TET1: variants seen among roughly 807,000 people sequenced by gnomAD.
TET1 encodes the protein methylcytosine dioxygenase TET1.
A neutral mutation model predicts 148.7 loss-of-function variants in TET1; 13 were observed. That is an observed-to-expected ratio of 0.09 (90% CI 0.06 to 0.14). The LOEUF (loss-of-function observed/expected upper bound fraction) is 0.14, where lower values mean the gene tolerates loss of function less well. TET1 is among the 10% of genes least tolerant of loss of function. The probability of loss-of-function intolerance (pLI) is 1.00; values close to 1 mark genes in which losing one functional copy is unlikely to be tolerated. For synonymous variants in TET1, 907 were observed against 937.2 expected, an observed-to-expected ratio of 0.97 and a Z score of 0.59; for missense variants, 2,182 against 2,553.8, an observed-to-expected ratio of 0.85 and a Z score of 3.14.
intron 2 of TET1, among the ~76,000 whole-genome samples, chr10:68,600,177 A>T (rs1388611607): frequency 6.6e-6 from 1 of 152,078 alleles, no homozygotes; most frequent in Non-Finnish European, 1.5e-5. Context: ...AAAATGCACA[A>T]TACCTTCCAG....
intron 10 of TET1, among the ~76,000 whole-genome samples, chr10:68,685,048 A>G (rs1360412914): frequency 6.6e-6 from 1 of 151,824 alleles, no homozygotes; most frequent in Non-Finnish European, 1.5e-5. Context: ...TGAACCCAGG[A>G]TCTTGAGTGT....
At chr10:68,622,559 C>T (rs2054392868) in intron 3 of TET1, among the ~76,000 whole-genome samples, 1 of 152,030 alleles carries the variant, frequency 6.6e-6, no homozygotes, top group South Asian at 2.1e-4. Context: ...AGCCACCACA[C>T]CCGGCCCCTC....
rs66890965 is a variant in TET1 at position 68,654,106 on chromosome 10, C to CAAAA, written c.4461+1528_4461+1531dup. Among the ~76,000 whole-genome samples, 98 of 84,880 alleles carry CAAAA rather than the reference C, an allele frequency of 1.2e-3. 2 individuals are homozygous for CAAAA. Among genetic ancestry groups the CAAAA allele is most frequent in the Admixed American group, 1.5e-3 (9 of 5,944 alleles). 55.7% of individuals were successfully genotyped at this position (84,880 alleles called of 152,430 possible). A position where few individuals can be genotyped will look rare whatever the true frequency, so the allele number is the denominator to read the frequency against. Reference sequence around the variant, plus strand: ...TGGGCAACAAGAGCAAAAATGTCTCCAAAAAAAAAAAAAAAAAAAGCATGG... The same window carrying CAAAA: ...TGGGCAACAAGAGCAAAAATGTCTCCAAAAAAAAAAAAAAAAAAAAAAAGCATGG... On this transcript the variant is annotated intron_variant, in intron 6 of 11. Transcript: ENST00000373644.
At chr10:68,657,019 A>G (rs2055032247) in intron 6 of TET1, among the ~76,000 whole-genome samples, 1 of 131,768 alleles carries the variant, frequency 7.6e-6, no homozygotes, top group African/African-American at 3.3e-5. Flanking sequence ...TCCAGAGTCT[A>G]GCTCCAAAAA....
At chr10:68,599,569 T>C (rs2132868787) in intron 2 of TET1, among the ~76,000 whole-genome samples, 1 of 152,246 alleles carries the variant, frequency 6.6e-6, no homozygotes, top group South Asian at 2.1e-4. Flanking sequence ...CCACTGGGCG[T>C]GGGGGCAGTC....
chr10:68,608,017 C>T (rs1259563616), intron 3 of TET1, among the ~76,000 whole-genome samples: 1 of 151,490 alleles, frequency 6.6e-6, no homozygotes, highest in Non-Finnish European at 1.5e-5. Context: ...CAGCCTCCAT[C>T]TCCCGGGTTC....
rs780148134 is a variant in TET1, at chr10:68,645,671, A to G, written c.2942A>G (p.His981Arg). Residue 981 changes from histidine to arginine, a missense_variant, in exon 4 of 12, where the codon CAT becomes CGT. This residue lies in a region of TET1 where 582 missense variants were observed against 599.5 expected (regional missense o/e 0.97). Transcript: ENST00000373644. ...NGQTTTLSNS[H>R]INSATNQAST... is the part of the protein sequence containing the mutation. ...CAAACTACTACCCTTTCCAACTCAC[A>G]TATCAACTCAGCTACTAACCAAGCA... 32 of 1,614,110 alleles carry G rather than the reference A, an allele frequency of 2.0e-5. No individual in the cohort carries two copies. Among genetic ancestry groups the G allele is most frequent in the East Asian group, 1.8e-4 (8 of 44,904 alleles).
At chr10:68,642,433 CA>C (rs540154591) in intron 3 of TET1, among the ~76,000 whole-genome samples, 9 of 138,912 alleles carry the variant, frequency 6.5e-5, no homozygotes, top group Middle Eastern at 3.5e-3. Flanking sequence ...GACCTTGTCT[CA>C]AAAAAAAAAG....
chr10:68,653,580 A>G (rs1202751977), intron 6 of TET1, among the ~76,000 whole-genome samples: 100 of 152,310 alleles, frequency 6.6e-4, no homozygotes, highest in Non-Finnish European at 2.9e-5. Flanking sequence ...TTCCTATTCT[A>G]CATATTGCAT....
At chr10:68,616,683 A>T (rs898124700) in intron 3 of TET1, among the ~76,000 whole-genome samples, 1 of 151,906 alleles carries the variant, frequency 6.6e-6, no homozygotes, top group Non-Finnish European at 1.5e-5. Context: ...TTACAGGTGC[A>T]TGTAAGTATG....
At chr10:68,575,547 A>G (rs930130010) in intron 2 of TET1, among the ~76,000 whole-genome samples, 20 of 151,756 alleles carry the variant, frequency 1.3e-4, no homozygotes, top group African/African-American at 4.4e-4. Context: ...TACTAAAAAT[A>G]CAAAATTAGC....
intron 7 of TET1, among the ~76,000 whole-genome samples, chr10:68,669,044 G>T (rs2055232456): frequency 6.6e-6 from 1 of 151,980 alleles, no homozygotes; most frequent in Non-Finnish European, 1.5e-5. Flanking sequence ...ATCAAAGCAG[G>T]AGGATTTCTT....
At chr10:68,627,092 T>C (rs1447844693) in intron 3 of TET1, among the ~76,000 whole-genome samples, 1 of 152,032 alleles carries the variant, frequency 6.6e-6, no homozygotes, top group Non-Finnish European at 1.5e-5. Context: ...GCCAACATTG[T>C]GAAACCCCGT....
chr10:68,619,414 G>T (rs951522525), intron 3 of TET1, among the ~76,000 whole-genome samples: 2 of 151,994 alleles, frequency 1.3e-5, no homozygotes, highest in South Asian at 2.1e-4. Context: ...ATTTTTTGTA[G>T]AGACAGAGGG....
chr10:68,597,259 C>T (rs1360311195), intron 2 of TET1, among the ~76,000 whole-genome samples: 5 of 151,922 alleles, frequency 3.3e-5, no homozygotes, highest in Non-Finnish European at 7.4e-5. Context: ...GTCTTGAACT[C>T]CTGACCTGAA....
chr10:68,624,660 C>CTTTCTTTCTTTCTTTCTG (rs1462948714), intron 3 of TET1, among the ~76,000 whole-genome samples: 1 of 74,458 alleles, frequency 1.3e-5, no homozygotes. Flanking sequence ...TTCTTTCTTT[C>CTTTCTTTCTTTCTTTCTG]TCTCTCTCTC....
intron 8 of TET1, among the ~76,000 whole-genome samples, chr10:68,675,786 C>T (rs1006467627): frequency 2.0e-5 from 3 of 151,942 alleles, no homozygotes; most frequent in East Asian, 3.9e-4. Context: ...AATATTTGGC[C>T]CAAGATCAAT....
intron 3 of TET1, among the ~76,000 whole-genome samples, chr10:68,635,859 T>TA (rs1357196131): frequency 6.6e-6 from 1 of 152,036 alleles, no homozygotes; most frequent in East Asian, 1.9e-4. Flanking sequence ...GAAAATAAAG[T>TA]AGAGTCCTCT....
rs137882741 is a variant in TET1 at position 68,590,585 on chromosome 10, G to T, written c.1915-10396G>T. Among the ~76,000 whole-genome samples the T allele has an allele frequency of 4.1e-3, 622 of 152,092 alleles. 9 individuals carry two copies. Among genetic ancestry groups the T allele is most frequent in the African/African-American group, 0.014 (593 of 41,514 alleles). ...GTTTTGTATAAGATCCCAGCACTTT[G>T]AGAGGCCAAGGTGGGATGATCACTT... is the stretch of plus-strand genomic sequence containing the variant. On this transcript the variant is annotated intron_variant, in intron 2 of 11. Transcript: ENST00000373644.
Sources: allele counts gnomAD v4.1 joint callset (sites outside exome capture counted in the v4.1 genomes callset), GRCh38; gene constraint gnomAD v4.1.1; regional missense constraint gnomAD v4.1.1; transcripts MANE v1.5; gene names NCBI Gene and HGNC (gene_info 2026-07-23, HGNC 2026-07-21).